COTL1: variants seen among roughly 807,000 people sequenced by gnomAD.
The protein encoded by COTL1 is coactosin like F-actin binding protein 1.
COTL1 carries 15 observed loss-of-function variants against 16.5 expected under a neutral mutation model. The observed-to-expected ratio is 0.91, with a 90% CI of 0.61 to 1.40. COTL1 has a LOEUF of 1.40. Ranked by LOEUF, COTL1 falls within the 40% of genes most tolerant of loss-of-function variation. The pLI, the probability that COTL1 is intolerant of heterozygous loss-of-function variation, is 0.00. For synonymous variants in COTL1, 112 were observed against 85.3 expected, an observed-to-expected ratio of 1.31 and a Z score of -1.73; for missense variants, 220 against 201.5, an observed-to-expected ratio of 1.09 and a Z score of -0.56.
rs918189714 is a variant in COTL1, at chr16:84,578,912, C to T, written c.318+11193G>A. On this transcript the variant is annotated intron_variant, in intron 3 of 3. Coordinates refer to ENST00000262428, the MANE Select transcript of COTL1 (RefSeq NM_021149.5). ...AGACGCATGCACACACAGACACATG[C>T]ATGCATACACACAGATACATGCATG... Among the ~76,000 whole-genome samples, 8 of 118,478 alleles carry T rather than the reference C, an allele frequency of 6.8e-5. No homozygotes were observed. The East Asian group carries it at 9.7e-4, about 14-fold the overall frequency. 77.7% of individuals were successfully genotyped at this position (118,478 alleles called of 152,430 possible).
chr16:84,574,711 G>A (rs184817305), intron 3 of COTL1, among the ~76,000 whole-genome samples: 148 of 152,192 alleles, frequency 9.7e-4, no homozygotes, highest in African/African-American at 3.5e-3. Flanking sequence ...TACCTCCTGA[G>A]TAGCTGGGAT....
rs1256468394 is a variant in COTL1 at position 84,566,210 on chromosome 16, C to G, written c.*635G>C. ...CTCTTCTTATTCAGTCTGAGCCGGA[C>G]CTAACCTTCTCACCACCGAGCAATC... is the stretch of plus-strand genomic sequence containing the variant. On this transcript the variant is annotated 3_prime_UTR_variant, in exon 4 of 4. Transcript: ENST00000262428. The G allele has an allele frequency of 6.5e-6, 1 of 152,694 alleles. No homozygotes were observed. Among genetic ancestry groups the G allele is most frequent in the Non-Finnish European group, 1.5e-5 (1 of 68,112 alleles). 9.5% of individuals were successfully genotyped at this position (152,694 alleles called of 1,614,324 possible).
chr16:84,585,921 C>T (rs1427150253), intron 3 of COTL1, among the ~76,000 whole-genome samples: 1 of 152,244 alleles, frequency 6.6e-6, no homozygotes, highest in Non-Finnish European at 1.5e-5. Flanking sequence ...CAATGCACAT[C>T]TGCGCTTCTT....
intron 2 of COTL1, chr16:84,594,646 A>T (rs964824174): frequency 2.0e-5 from 3 of 152,230 alleles, no homozygotes; most frequent in Non-Finnish European, 2.9e-5. Context: ...TTTCCATGGT[A>T]ACCGCTCTCG....
At chr16:84,579,347 G>A (rs1027412085) in intron 3 of COTL1, among the ~76,000 whole-genome samples, 15 of 152,198 alleles carry the variant, frequency 9.9e-5, no homozygotes, top group African/African-American at 3.6e-4. Context: ...AATTAGCTGG[G>A]TGTGTTGGCA....
intron 3 of COTL1, among the ~76,000 whole-genome samples, chr16:84,579,169 A>G (rs1452179647): frequency 6.6e-6 from 1 of 152,230 alleles, no homozygotes; most frequent in Non-Finnish European, 1.5e-5. Flanking sequence ...ATGTTGTACT[A>G]CATCCACTTA....
chr16:84,567,781 T>A (rs1904304988), intron 3 of COTL1: 1 of 152,170 alleles, frequency 6.6e-6, no homozygotes, highest in Admixed American at 6.5e-5. Context: ...GTGGCATGAA[T>A]GAGGGAACCA....
At chr16:84,598,899 T>TG (rs1384473782) in intron 2 of COTL1, among the ~76,000 whole-genome samples, 1 of 142,280 alleles carries the variant, frequency 7.0e-6, no homozygotes, top group African/African-American at 2.7e-5. Flanking sequence ...GTCAAAGGGA[T>TG]GGGGATGTGG....
chr16:84,573,142 T>C (rs190579235), intron 3 of COTL1, among the ~76,000 whole-genome samples: 4 of 152,358 alleles, frequency 2.6e-5, no homozygotes, highest in Admixed American at 1.3e-4. Context: ...TCTAATCCAA[T>C]ATATGCAAAA....
At chr16:84,598,526 G>A (rs1006113642) in intron 2 of COTL1, among the ~76,000 whole-genome samples, 1 of 152,106 alleles carries the variant, frequency 6.6e-6, no homozygotes, top group Admixed American at 6.6e-5. Context: ...CCTGGTGGCT[G>A]TTACATGCTC....
intron 2 of COTL1, among the ~76,000 whole-genome samples, chr16:84,607,139 A>G (rs1453370097): frequency 2.0e-5 from 3 of 152,202 alleles, no homozygotes; most frequent in Non-Finnish European, 4.4e-5. Context: ...GACTTCGCCA[A>G]GGAGTTGAAG....
At chr16:84,592,806 G>C (rs1904903371) in intron 2 of COTL1, among the ~76,000 whole-genome samples, 1 of 152,054 alleles carries the variant, frequency 6.6e-6, no homozygotes, top group African/African-American at 2.4e-5. Context: ...CCTTCAACAA[G>C]AAGCCGGGTG....
At chr16:84,588,153 G>A (rs984261433) in intron 3 of COTL1, among the ~76,000 whole-genome samples, 4 of 152,196 alleles carry the variant, frequency 2.6e-5, no homozygotes, top group African/African-American at 4.8e-5. Context: ...AGGCTGAGGT[G>A]TAGGAATGCT....
chr16:84,593,564 T>A (rs965849884), intron 2 of COTL1, among the ~76,000 whole-genome samples: 1 of 151,462 alleles, frequency 6.6e-6, no homozygotes, highest in East Asian at 1.9e-4. Flanking sequence ...CAGGCTGGAG[T>A]GCAGTGGCGC....
rs1327942401 is a variant in COTL1, at chr16:84,567,315, T to A, written c.319-360A>T. On this transcript the variant is annotated intron_variant, in intron 3 of 3. Transcript: ENST00000262428. ...ACTTTCTCATCTGTAAAAAACTATC[T>A]CGTCAGGAAAATAATAGGTTACGAG... is the stretch of plus-strand genomic sequence containing the variant. 6 of 191,110 alleles carry A rather than the reference T, an allele frequency of 3.1e-5. No homozygotes were observed. The Admixed American group carries it at 3.7e-4, about 12-fold the overall frequency. 11.8% of individuals were successfully genotyped at this position (191,110 alleles called of 1,614,324 possible). A position where few individuals can be genotyped will look rare whatever the true frequency, so the allele number is the denominator to read the frequency against.
At chr16:84,570,596 A>G (rs1205921667) in intron 3 of COTL1, among the ~76,000 whole-genome samples, 1 of 152,208 alleles carries the variant, frequency 6.6e-6, no homozygotes, top group Non-Finnish European at 1.5e-5. Context: ...AAAAGCAACC[A>G]TATGATCTCT....
At chr16:84,567,239 T>A in intron 3 of COTL1, 1 of 333,978 alleles carries the variant, frequency 3.0e-6, no homozygotes, top group Non-Finnish European at 5.6e-6. Flanking sequence ...AAGCTGGGGC[T>A]TGAATTTGGG....
At chr16:84,587,729 G>A (rs1170947906) in intron 3 of COTL1, among the ~76,000 whole-genome samples, 4 of 152,050 alleles carry the variant, frequency 2.6e-5, no homozygotes, top group South Asian at 4.1e-4. Context: ...GTCCAAAAGC[G>A]GGAACTGACA....
intron 3 of COTL1, among the ~76,000 whole-genome samples, chr16:84,588,149 A>C (rs931381377): frequency 6.6e-6 from 1 of 152,040 alleles, no homozygotes; most frequent in African/African-American, 2.4e-5. Flanking sequence ...TCGGAGGCTG[A>C]GGTGTAGGAA....
Sources: gnomAD v4.1 joint callset for allele counts (sites outside exome capture counted in the v4.1 genomes callset) on GRCh38, gnomAD v4.1.1 for gene constraint, MANE v1.5 for transcripts, NCBI Gene and HGNC (gene_info 2026-07-23, HGNC 2026-07-21) for gene names.